Variants in PDZRN3 observed in about 807,000 individuals in gnomAD.
The protein encoded by PDZRN3 is E3 ubiquitin-protein ligase PDZRN3.
PDZRN3 carries 38 observed loss-of-function variants against 85.7 expected under a neutral mutation model. The observed-to-expected ratio is 0.44, with a 90% confidence interval of 0.34 to 0.58. The LOEUF (loss-of-function observed/expected upper bound fraction) is 0.58, where lower values mean the gene tolerates loss of function less well. PDZRN3 is among the 20% of genes least tolerant of loss of function. The pLI is 0.01. For synonymous variants in PDZRN3, 759 were observed against 638.0 expected (o/e 1.19, Z -2.86); for missense variants, 1,629 against 1,506.4 (o/e 1.08, Z -1.35).
intron 3 of PDZRN3, among the ~76,000 whole-genome samples, chr3:73,434,378 AATGTT>A (rs1381321044): frequency 6.6e-6 from 1 of 152,216 alleles, no homozygotes; most frequent in Non-Finnish European, 1.5e-5. Context: ...TGTTTTGAAT[AATGTT>A]CATATAATAT....
At chr3:73,545,003 T>C (rs898041097) in intron 3 of PDZRN3, among the ~76,000 whole-genome samples, 1 of 152,092 alleles carries the variant, frequency 6.6e-6, no homozygotes, top group East Asian at 1.9e-4. Flanking sequence ...ATAGAAATGA[T>C]GTAAAAGGGA....
intron 3 of PDZRN3, among the ~76,000 whole-genome samples, chr3:73,559,075 C>T (rs1701762385): frequency 6.6e-6 from 1 of 152,182 alleles, no homozygotes; most frequent in South Asian, 2.1e-4. Context: ...CCCAGGCACA[C>T]CAAGCAACTG....
intron 3 of PDZRN3, among the ~76,000 whole-genome samples, chr3:73,571,653 C>T (rs969338627): frequency 6.6e-6 from 1 of 152,136 alleles, no homozygotes; most frequent in Non-Finnish European, 1.5e-5. Context: ...CAATCAAAGC[C>T]GCAGCTGCCG....
chr3:73,531,052 C>A (rs956344926), intron 3 of PDZRN3, among the ~76,000 whole-genome samples: 1 of 152,074 alleles, frequency 6.6e-6, no homozygotes, highest in African/African-American at 2.4e-5. Flanking sequence ...AGATCGAGAC[C>A]ATCCTGGCTA....
intron 3 of PDZRN3, among the ~76,000 whole-genome samples, chr3:73,561,207 GTT>G (rs1701807841): frequency 6.6e-6 from 1 of 152,208 alleles, no homozygotes; most frequent in African/African-American, 2.4e-5. Flanking sequence ...CAGTATAACT[GTT>G]TTGTTTTTAC....
At chr3:73,624,052 T>A (rs1487660273) in intron 1 of PDZRN3, 51 bp downstream of exon 1, 3 of 1,388,534 alleles carry the variant, frequency 2.2e-6, no homozygotes, top group Admixed American at 3.6e-5. Context: ...GGCGGGGCCC[T>A]GGGTCCCCAG....
chr3:73,519,342 AG>A (rs1704311225), intron 3 of PDZRN3, among the ~76,000 whole-genome samples: 1 of 152,178 alleles, frequency 6.6e-6, no homozygotes, highest in African/African-American at 2.4e-5. Context: ...TGGTAAGAGG[AG>A]GGGGAAATGC....
At chr3:73,520,001 C>T (rs759080033) in intron 3 of PDZRN3, among the ~76,000 whole-genome samples, 7 of 152,054 alleles carry the variant, frequency 4.6e-5, no homozygotes, top group South Asian at 2.1e-4. Context: ...TTGGGGGTGG[C>T]GCACTGCAAA....
chr3:73,599,847 G>A (rs1702485569), intron 3 of PDZRN3, among the ~76,000 whole-genome samples: 1 of 152,216 alleles, frequency 6.6e-6, no homozygotes, highest in Non-Finnish European at 1.5e-5. Context: ...AGATGTGAGA[G>A]CATCTGACAG....
rs766329309 is a variant in PDZRN3, at chr3:73,384,335, G to A, written c.2231C>T (p.Thr744Ile). Residue 744 changes from threonine (T) to isoleucine (I), a missense_variant, in exon 10 of 10, where the codon ACC becomes ATC. Transcript: ENST00000263666. ...DVRRHELSDI[T>I]ELPEKSDKDS... ...CTTGTCGGATTTCTCCGGGAGCTCG[G>A]TGATATCTGAGAGCTCGTGTCTGCG... 1 of 1,611,470 alleles carries A rather than the reference G, an allele frequency of 6.2e-7. No individual in the cohort carries two copies. The highest frequency in any genetic ancestry group is 8.5e-7 in the Non-Finnish European group (1 of 1,179,964).
chr3:73,553,338 C>T (rs1308755246), intron 3 of PDZRN3, among the ~76,000 whole-genome samples: 1 of 152,134 alleles, frequency 6.6e-6, no homozygotes, highest in East Asian at 1.9e-4. Flanking sequence ...CTTTGGGAGG[C>T]CGAGGCGGGT....
chr3:73,402,991 T>G (rs1701783878), intron 4 of PDZRN3, among the ~76,000 whole-genome samples: 1 of 148,922 alleles, frequency 6.7e-6, no homozygotes, highest in African/African-American at 2.5e-5. Context: ...TTGCCCAGGC[T>G]GGAGTGCAGT....
chr3:73,424,949 T>A (rs1030654195), intron 3 of PDZRN3, among the ~76,000 whole-genome samples: 6 of 151,984 alleles, frequency 3.9e-5, no homozygotes, highest in African/African-American at 1.2e-4. Context: ...TTGACACTAG[T>A]AGAACTGAAG....
chr3:73,554,504 G>T lies in PDZRN3; in HGVS notation c.918+47850C>A, dbSNP rs571899308. ...ACTCTTCACAGAAGCATGGGCCACAGCGTTGTTTGCAACAGTGAAAAATCA... is the reference window on the plus strand; with the variant it reads ...ACTCTTCACAGAAGCATGGGCCACATCGTTGTTTGCAACAGTGAAAAATCA... On this transcript the variant is annotated intron_variant, in intron 3 of 9. Transcript: ENST00000263666. Among the ~76,000 whole-genome samples the T allele has an allele frequency of 1.4e-3, 208 of 152,206 alleles. 1 individual carries two copies. Among genetic ancestry groups the T allele is most frequent in the African/African-American group, 4.8e-3 (198 of 41,518 alleles).
chr3:73,421,130 T>G (rs1442098265), intron 3 of PDZRN3, among the ~76,000 whole-genome samples: 3 of 152,204 alleles, frequency 2.0e-5, no homozygotes, highest in Non-Finnish European at 4.4e-5. Context: ...AATCCACAGA[T>G]GAAGAACCCA....
chr3:73,406,083 G>A (rs911526162), intron 3 of PDZRN3, among the ~76,000 whole-genome samples: 2 of 150,696 alleles, frequency 1.3e-5, no homozygotes, highest in African/African-American at 2.5e-5. Flanking sequence ...TTTACATCAC[G>A]AGGGAGTTCG....
chr3:73,421,976 T>C (rs1042588009), intron 3 of PDZRN3, among the ~76,000 whole-genome samples: 4 of 152,196 alleles, frequency 2.6e-5, no homozygotes, highest in Admixed American at 6.5e-5. Context: ...AGGAGAAAAC[T>C]GGGCGGAGTT....
intron 3 of PDZRN3, among the ~76,000 whole-genome samples, chr3:73,505,500 A>C (rs1016700829): frequency 6.6e-6 from 1 of 152,228 alleles, no homozygotes; most frequent in African/African-American, 2.4e-5. Flanking sequence ...ATTAAAAAAA[A>C]CATTTTATTT....
chr3:73,472,665 A>C (rs1313582022), intron 3 of PDZRN3, among the ~76,000 whole-genome samples: 1 of 152,202 alleles, frequency 6.6e-6, no homozygotes, highest in Non-Finnish European at 1.5e-5. Context: ...AAAGTTGCTA[A>C]TCAATTTAGG....
Sources: gnomAD v4.1 joint callset for allele counts (sites outside exome capture counted in the v4.1 genomes callset) on GRCh38, gnomAD v4.1.1 for gene constraint, MANE v1.5 for transcripts, NCBI Gene and HGNC (gene_info 2026-07-23, HGNC 2026-07-21) for gene names.